The following RGSL1 variants were observed in gnomAD, a reference collection of about 807,000 sequenced individuals.
The protein encoded by RGSL1 is regulator of G protein signaling protein-like.
RGSL1 carries 97 observed loss-of-function variants against 124.7 expected under a neutral mutation model. The observed-to-expected ratio is 0.78, with a 90% CI of 0.66 to 0.92. The LOEUF is 0.92. Ranked by LOEUF, RGSL1 falls within the 40% of genes least tolerant of loss-of-function variation. The pLI is 0.00. For synonymous variants in RGSL1, 424 were observed against 438.1 expected, an observed-to-expected ratio of 0.97 and a Z score of 0.40; for missense variants, 1,233 against 1,288.4, an observed-to-expected ratio of 0.96 and a Z score of 0.66.
chr1:182,495,269 G>A (rs1015801150), intron 9 of RGSL1, among the ~76,000 whole-genome samples: 6 of 152,168 alleles, frequency 3.9e-5, no homozygotes, highest in African/African-American at 1.4e-4. Flanking sequence ...TGAGCTCACT[G>A]TGCCAGCACT....
intron 9 of RGSL1, among the ~76,000 whole-genome samples, chr1:182,505,266 A>C (rs1656728341): frequency 6.6e-6 from 1 of 152,212 alleles, no homozygotes; most frequent in Admixed American, 6.5e-5. Context: ...TTAGGTCAAA[A>C]CAAACAACCA....
intron 9 of RGSL1, among the ~76,000 whole-genome samples, chr1:182,502,489 T>C (rs1190454212): frequency 6.6e-6 from 1 of 152,130 alleles, no homozygotes; most frequent in Non-Finnish European, 1.5e-5. Flanking sequence ...GGTGGGAGGA[T>C]TGCTTGAGCC....
chr1:182,459,962 G>C (rs947564602), intron 3 of RGSL1, 42 bp from the exon 4 acceptor site: 1 of 1,539,056 alleles, frequency 6.5e-7, no homozygotes, highest in Non-Finnish European at 8.8e-7. Context: ...TAGCAGTTCG[G>C]TTTCACTTAG....
chr1:182,462,427 T>C (rs1021637609), intron 4 of RGSL1, among the ~76,000 whole-genome samples: 2 of 152,266 alleles, frequency 1.3e-5, no homozygotes, highest in Admixed American at 1.3e-4. Context: ...TAAAAATAAA[T>C]ATAATACTAA....
At chr1:182,454,582 TTGTA>T (rs758135970) in intron 2 of RGSL1, among the ~76,000 whole-genome samples, 27 of 119,662 alleles carry the variant, frequency 2.3e-4, no homozygotes, top group African/African-American at 6.3e-4. Flanking sequence ...CTCTCTTGAG[TTGTA>T]TGTGTGTGTG....
chr1:182,515,719 C>T (rs1012809926), intron 9 of RGSL1, among the ~76,000 whole-genome samples: 3 of 152,176 alleles, frequency 2.0e-5, no homozygotes, highest in Admixed American at 6.5e-5. Context: ...CAGCTGGCTA[C>T]GCAGGGTGCC....
At chr1:182,455,497 A>G (rs758176105) in intron 2 of RGSL1, among the ~76,000 whole-genome samples, 8 of 151,994 alleles carry the variant, frequency 5.3e-5, no homozygotes, top group Non-Finnish European at 1.2e-4. Context: ...CACGAGAATC[A>G]CTTGAGCCCA....
At chr1:182,475,125 T>C (rs1297668501) in intron 6 of RGSL1, among the ~76,000 whole-genome samples, 1 of 152,216 alleles carries the variant, frequency 6.6e-6, no homozygotes, top group African/African-American at 2.4e-5. Flanking sequence ...TTTCTTGTTA[T>C]GTGAAGCCTC....
In RGSL1 at chr1:182,473,906, T is replaced by C. The variant is rs1654060270; in HGVS notation, c.795T>C (p.Ser265=). Residue 265 remains serine (S), a synonymous_variant, in exon 6 of 22, where the codon TCT becomes TCC. Transcript: ENST00000294854. ...AATTGGTAGATCCTGACTCTTGGTC[T>C]CTGGAAATGGATCTCAAGCCAGATG... ...MWQLVDPDSW[S]LEMDLKPDAI... 3.9e-6 allele frequency: 6 copies of C among 1,551,960 alleles called. No individual in the cohort carries two copies. The highest frequency in any genetic ancestry group is 2.7e-5 in the African/African-American group (2 of 73,178).
At chr1:182,454,980 G>C (rs1652180179) in intron 2 of RGSL1, among the ~76,000 whole-genome samples, 1 of 152,132 alleles carries the variant, frequency 6.6e-6, no homozygotes, top group South Asian at 2.1e-4. Flanking sequence ...CCCACACATG[G>C]TTATTGGGTG....
rs1660383903 is a variant in RGSL1 at position 182,548,781 on chromosome 1, G to A, written c.2890G>A (p.Ala964Thr). ...CCTAGATCGGAGCGTCTTCCATGGG[G>A]CTATCATGTCTGTCTTCCCCGTTGT... is the stretch of plus-strand genomic sequence containing the variant. Reference protein sequence around the residue: ...GYLDRSVFHGAIMSVFPVVMY... With the variant: ...GYLDRSVFHGTIMSVFPVVMY... The change falls in exon 17 of 22, where the codon GCT becomes ACT. Residue 964 changes from alanine (A) to threonine (T), a missense_variant. By Grantham distance (58) the Ala-to-Thr change is moderately conservative (BLOSUM62 0). Coordinates refer to ENST00000294854, the MANE Select transcript of RGSL1 (RefSeq NM_001137669.2). 1 of 1,551,540 alleles carries A rather than the reference G, an allele frequency of 6.4e-7. No homozygotes were observed. Among genetic ancestry groups the A allele is most frequent in the South Asian group, 1.2e-5 (1 of 84,050 alleles).
intron 6 of RGSL1, among the ~76,000 whole-genome samples, chr1:182,477,654 C>G (rs541229769): frequency 1.3e-5 from 2 of 152,318 alleles, no homozygotes; most frequent in African/African-American, 4.8e-5. Flanking sequence ...GACCTTGAGA[C>G]AGCCCCAACT....
intron 9 of RGSL1, among the ~76,000 whole-genome samples, chr1:182,495,060 C>T (rs1220070951): frequency 6.6e-6 from 1 of 152,196 alleles, no homozygotes; most frequent in Admixed American, 6.5e-5. Context: ...AATTGCTGCT[C>T]TTTCCAGAAT....
chr1:182,484,362 T>G (rs1318403574), intron 6 of RGSL1, among the ~76,000 whole-genome samples: 1 of 152,018 alleles, frequency 6.6e-6, no homozygotes, highest in East Asian at 1.9e-4. Context: ...AAGATGCCAC[T>G]CAGCTTAGGT....
chr1:182,473,250 A>T (rs1366292999), intron 5 of RGSL1, among the ~76,000 whole-genome samples: 1 of 152,186 alleles, frequency 6.6e-6, no homozygotes, highest in East Asian at 1.9e-4. Flanking sequence ...TCCTGTTCAG[A>T]TGTAGATGTC....
intron 9 of RGSL1, among the ~76,000 whole-genome samples, chr1:182,497,326 T>A (rs982096911): frequency 4.1e-5 from 6 of 146,686 alleles, no homozygotes; most frequent in Non-Finnish European, 6.0e-5. Context: ...GATATATATA[T>A]TATATATATA....
intron 6 of RGSL1, among the ~76,000 whole-genome samples, chr1:182,486,597 G>A (rs1422301905): frequency 1.3e-5 from 2 of 151,916 alleles, no homozygotes; most frequent in Non-Finnish European, 2.9e-5. Context: ...ATCTGCCCAC[G>A]TCAGTCTCCA....
At chr1:182,448,629 G>C (rs1394019319), upstream of RGSL1, among the ~76,000 whole-genome samples, 1 of 152,076 alleles carries the variant, frequency 6.6e-6, no homozygotes, top group African/African-American at 2.4e-5. Flanking sequence ...GCCAGGGGAC[G>C]GTCCCGGCAA....
intron 9 of RGSL1, among the ~76,000 whole-genome samples, chr1:182,511,557 T>A (rs1657463018): frequency 6.6e-6 from 1 of 152,228 alleles, no homozygotes. Flanking sequence ...GAAGATGAGT[T>A]GGCTGTAAAG....
Sources: gnomAD v4.1 joint callset for allele counts (sites outside exome capture counted in the v4.1 genomes callset) on GRCh38, gnomAD v4.1.1 for gene constraint, MANE v1.5 for transcripts, NCBI Gene and HGNC (gene_info 2026-07-23, HGNC 2026-07-21) for gene names.